Variants in VANGL1 observed in about 807,000 individuals in gnomAD.
The protein encoded by VANGL1 is VANGL planar cell polarity protein 1.
VANGL1 carries 18 observed loss-of-function variants against 48.4 expected under a neutral mutation model. That is an observed-to-expected ratio of 0.37 (90% confidence interval 0.26 to 0.55). The LOEUF (loss-of-function observed/expected upper bound fraction) is 0.55, where lower values mean the gene tolerates loss of function less well. Ranked by LOEUF, VANGL1 falls within the 20% of genes least tolerant of loss-of-function variation. The pLI, the probability that VANGL1 is intolerant of heterozygous loss-of-function variation, is 0.81. For synonymous variants in VANGL1, 257 were observed against 261.8 expected, an observed-to-expected ratio of 0.98 and a Z score of 0.18; for missense variants, 667 against 675.8, an observed-to-expected ratio of 0.99 and a Z score of 0.14.
chr1:115,669,524 G>A (rs908111780), intron 4 of VANGL1, among the ~76,000 whole-genome samples: 3 of 152,070 alleles, frequency 2.0e-5, no homozygotes, highest in Non-Finnish European at 4.4e-5. Flanking sequence ...ATTGAATCAC[G>A]GGGGCGATTT....
At chr1:115,654,078 G>A (rs561013229) in intron 2 of VANGL1, among the ~76,000 whole-genome samples, 2 of 152,232 alleles carry the variant, frequency 1.3e-5, no homozygotes, top group Admixed American at 6.5e-5. Context: ...ATGAGAGCAG[G>A]CCCCAGGCCC....
In VANGL1 at chr1:115,691,334, A is replaced by G; in HGVS notation, c.1530A>G (p.Lys510=). The change falls in exon 8 of 8, where the codon AAA becomes AAG. Residue 510 remains lysine (K), a synonymous_variant. Coordinates refer to ENST00000355485, the MANE Select transcript of VANGL1 (RefSeq NM_138959.3). ...TCTCTGAAGAGTTCATAGACCCCAA[A>G]TCTCACAAATTTGTCCTTCGCTTAC... ...IILSEEFIDP[K]SHKFVLRLQS... 2 of 1,614,030 alleles carry G rather than the reference A, an allele frequency of 1.2e-6. No homozygotes were observed. The highest frequency in any genetic ancestry group is 1.7e-6 in the Non-Finnish European group (2 of 1,180,012).
intron 4 of VANGL1, among the ~76,000 whole-genome samples, chr1:115,681,444 A>G (rs769738815): frequency 1.3e-5 from 2 of 150,786 alleles, no homozygotes; most frequent in African/African-American, 4.9e-5. Flanking sequence ...TAGCACTCCA[A>G]GGGGCAGGGG....
chr1:115,643,459 T>C (rs1219009369), intron 1 of VANGL1, among the ~76,000 whole-genome samples: 1 of 152,180 alleles, frequency 6.6e-6, no homozygotes, highest in Non-Finnish European at 1.5e-5. Context: ...GGGCTTTGAT[T>C]TGTGGGAGGA....
intron 3 of VANGL1, among the ~76,000 whole-genome samples, chr1:115,663,216 A>C (rs1330735556): frequency 1.3e-5 from 2 of 152,198 alleles, no homozygotes; most frequent in Non-Finnish European, 2.9e-5. Flanking sequence ...CACCTCCAAA[A>C]GTTGGACTTC....
At chr1:115,685,185 T>G in intron 6 of VANGL1, 108 bp from the exon 7 acceptor site, 1 of 1,181,988 alleles carries the variant, frequency 8.5e-7, no homozygotes, top group Non-Finnish European at 1.2e-6. Context: ...TGATTGGGCC[T>G]TGGGTATGTT....
At chr1:115,643,833 A>G (rs1440069142) in intron 1 of VANGL1, among the ~76,000 whole-genome samples, 1 of 152,226 alleles carries the variant, frequency 6.6e-6, no homozygotes, top group Non-Finnish European at 1.5e-5. Flanking sequence ...CCTCCCCTTC[A>G]TCATCCCCTT....
rs1287533053 is a variant in VANGL1 at position 115,698,018 on chromosome 1, G to A, written c.*6639G>A. The stretch of plus-strand genomic sequence containing the variant: ...CAGGTCCATTTACTTACATTCATAA[G>A]GTTTATGCTATGAAACTTCTTCTCA... On this transcript the variant is annotated 3_prime_UTR_variant, in exon 8 of 8. Transcript: ENST00000355485. 2 of 152,112 alleles carry A rather than the reference G, an allele frequency of 1.3e-5. No homozygotes were observed. Among genetic ancestry groups the A allele is most frequent in the African/African-American group, 4.8e-5 (2 of 41,420 alleles). 9.4% of individuals were successfully genotyped at this position (152,112 alleles called of 1,614,324 possible). A position where few individuals can be genotyped will look rare whatever the true frequency, so the allele number is the denominator to read the frequency against.
At position 115,691,730 on chromosome 1, in the gene VANGL1, TC is replaced by T. The variant is rs1653845895; in HGVS notation, c.*352del. On this transcript the variant is annotated 3_prime_UTR_variant, in exon 8 of 8. Transcript: ENST00000355485. Reference sequence around the variant, plus strand: ...GTCCAGTACCAAGTCCCCCGTTGCTTCTGGTCAGCCCACTTGTAGACTTCCA... The same window carrying T: ...GTCCAGTACCAAGTCCCCCGTTGCTTTGGTCAGCCCACTTGTAGACTTCCA... The T allele has an allele frequency of 4.2e-6, 1 of 238,182 alleles. No individual in the cohort carries two copies. The highest frequency in any genetic ancestry group is 5.1e-5 in the Admixed American group (1 of 19,480). The allele number at this position is 238,182 out of a possible 1,614,324, so 14.8% of individuals were successfully genotyped here. A position where few individuals can be genotyped will look rare whatever the true frequency, so the allele number is the denominator to read the frequency against.
chr1:115,675,854 C>G (rs1263544620), intron 4 of VANGL1, among the ~76,000 whole-genome samples: 1 of 152,070 alleles, frequency 6.6e-6, no homozygotes, highest in African/African-American at 2.4e-5. Flanking sequence ...CTGATGGACT[C>G]TTGATTTCTC....
chr1:115,643,554 G>A (rs3010379), intron 1 of VANGL1, among the ~76,000 whole-genome samples: 61,493 of 152,060 alleles, frequency 0.4, 16,730 homozygotes, highest in African/African-American at 0.78. Flanking sequence ...ATGTCTCTCA[G>A]TATAATTAGT....
intron 5 of VANGL1, among the ~76,000 whole-genome samples, chr1:115,683,069 C>T (rs917747369): frequency 4.0e-5 from 6 of 151,470 alleles, no homozygotes; most frequent in Non-Finnish European, 8.8e-5. Flanking sequence ...CTTTGCAAAC[C>T]CTAGGAGAGG....
rs1652679568 is a variant in VANGL1 at position 115,664,084 on chromosome 1, G to A, written c.628G>A (p.Asp210Asn). The change falls in exon 4 of 8, where the codon GAC becomes AAC. Residue 210 changes from aspartate to asparagine, a missense_variant. By Grantham distance (23) the Asp-to-Asn change is conservative. Coordinates refer to ENST00000355485, the MANE Select transcript of VANGL1 (RefSeq NM_138959.3). ...YWLFYGVRIL[D>N]SRDRNYQGIV... ...GCTTTTTTACGGGGTCCGCATTTTGGACTCTCGGGACCGGAATTACCAGGG... is the reference window on the plus strand; with the variant it reads ...GCTTTTTTACGGGGTCCGCATTTTGAACTCTCGGGACCGGAATTACCAGGG... The A allele has an allele frequency of 6.2e-7, 1 of 1,614,002 alleles. No homozygotes were observed.
intron 6 of VANGL1, 25 bp from the exon 7 acceptor site, chr1:115,685,268 T>C (rs1452420847): frequency 1.2e-6 from 2 of 1,612,482 alleles, no homozygotes; most frequent in Non-Finnish European, 1.7e-6. Flanking sequence ...CCATCCTGAT[T>C]ACTTAGTGTT....
At chr1:115,653,618 G>A (rs531460338) in intron 2 of VANGL1, among the ~76,000 whole-genome samples, 1 of 152,054 alleles carries the variant, frequency 6.6e-6, no homozygotes, top group Admixed American at 6.6e-5. Flanking sequence ...TTCACGCTTC[G>A]GGGCCCATTG....
In VANGL1 at chr1:115,685,316, C is replaced by G. The variant is rs1653556344; in HGVS notation, c.1103C>G (p.Ala368Gly). 1 of 1,614,114 alleles carries G rather than the reference C, an allele frequency of 6.2e-7. No individual in the cohort carries two copies. Among genetic ancestry groups the G allele is most frequent in the African/African-American group, 1.3e-5 (1 of 75,028 alleles). The change falls in exon 7 of 8, where the codon GCC becomes GGC. Residue 368 changes from alanine to glycine, a missense_variant. Transcript: ENST00000355485. ...KARLVVAVEE[A>G]FIHIQRLQAE... ...AGGCTGGTGGTTGCAGTGGAAGAGG[C>G]CTTCATCCACATTCAGCGTCTCCAG... is the stretch of plus-strand genomic sequence containing the variant.
chr1:115,676,338 T>C (rs1387756261), intron 4 of VANGL1, among the ~76,000 whole-genome samples: 1 of 152,066 alleles, frequency 6.6e-6, no homozygotes, highest in Non-Finnish European at 1.5e-5. Context: ...TAGCATAACT[T>C]TGTGGCCCCA....
intron 4 of VANGL1, among the ~76,000 whole-genome samples, chr1:115,676,332 A>G (rs1016738339): frequency 2.0e-5 from 3 of 152,110 alleles, no homozygotes; most frequent in Admixed American, 6.6e-5. Context: ...AAAGAGTAGC[A>G]TAACTTTGTG....
In VANGL1 at chr1:115,659,877, G is replaced by A. The variant is rs1038869189; in HGVS notation, c.204+104G>A. On this transcript the variant is annotated intron_variant, in intron 3 of 7. Transcript: ENST00000355485. ...TTGGATTTTTGTCTTTATTTTTCTA[G>A]CATGCTAATTAGTTTATCTATGTCC... 4.0e-6 allele frequency: 6 copies of A among 1,510,696 alleles called. 1 individual carries two copies. The South Asian group carries it at 5.7e-5, about 14-fold the overall frequency. The allele number at this position is 1,510,696 out of a possible 1,614,324, so 93.6% of individuals were successfully genotyped here.
Sources: gnomAD v4.1 joint callset for allele counts (sites outside exome capture counted in the v4.1 genomes callset) on GRCh38, gnomAD v4.1.1 for gene constraint, MANE v1.5 for transcripts, NCBI Gene and HGNC (gene_info 2026-07-23, HGNC 2026-07-21) for gene names.